The following JMJD1C variants were observed in gnomAD, a reference collection of about 807,000 sequenced individuals.
JMJD1C encodes the protein jumonji domain-containing protein 1C.
Under a neutral mutation model 245.3 loss-of-function variants are expected in JMJD1C, and 31 were observed. That is an observed-to-expected ratio of 0.13 (90% CI 0.09 to 0.17). The LOEUF is 0.17. Among genes scored for constraint, JMJD1C ranks in the 10% least tolerant of loss-of-function variants. The pLI, the probability that JMJD1C is intolerant of heterozygous loss-of-function variation, is 1.00. For missense variants in JMJD1C, 2,691 were observed against 3,000.2 expected (o/e 0.90, Z 2.41); for synonymous variants, 1,057 against 1,017.4 (o/e 1.04, Z -0.74).
At chr10:63,303,494 C>A (rs1860339219) in intron 2 of JMJD1C, among the ~76,000 whole-genome samples, 1 of 152,122 alleles carries the variant, frequency 6.6e-6, no homozygotes. Context: ...TTAGTAGAGA[C>A]AGGGTTTCGT....
chr10:63,207,418 A>G lies in JMJD1C; in HGVS notation c.4251T>C (p.Ile1417=). 1 of 1,614,212 alleles carries G rather than the reference A, an allele frequency of 6.2e-7. No homozygotes were observed. Among genetic ancestry groups the G allele is most frequent in the Non-Finnish European group, 8.5e-7 (1 of 1,180,038 alleles). ...CCAAAATGGTATTTGATAAAGAGGA[A>G]ATTACTTCTGAACCACCCCAGCTGG... The part of the protein sequence containing the change: ...SVSSWGGSEV[I]SSLSNTILAS... The change falls in exon 10 of 26, where the codon ATT becomes ATC. Residue 1417 remains isoleucine, a synonymous_variant. Transcript: ENST00000399262.
chr10:63,460,320 C>T (rs1952698158), intron 1 of JMJD1C, among the ~76,000 whole-genome samples: 1 of 152,068 alleles, frequency 6.6e-6, no homozygotes, highest in Non-Finnish European at 1.5e-5. Context: ...AGTCCAAGAC[C>T]AGCCTGGGCA....
At chr10:63,263,730 G>C (rs1020806859) in intron 3 of JMJD1C, among the ~76,000 whole-genome samples, 1 of 152,058 alleles carries the variant, frequency 6.6e-6, no homozygotes, top group Non-Finnish European at 1.5e-5. Flanking sequence ...TCAGGAGTTC[G>C]AGACCAGTCT....
intron 2 of JMJD1C, chr10:63,358,604 T>C (rs1006625661): frequency 6.6e-6 from 1 of 152,228 alleles, no homozygotes; most frequent in South Asian, 2.1e-4. Flanking sequence ...CTCAGTAATA[T>C]GGTTTTTATT....
chr10:63,192,931 T>G lies in JMJD1C; in HGVS notation c.6076+7A>C. On this transcript the variant is annotated splice_region_variant and intron_variant, in intron 16 of 25. Transcript: ENST00000399262. ...TCACACATGCCTAGATAATCAATTA[T>G]GTTTACCTTTTTTTTCCTCTCTGGC... is the stretch of plus-strand genomic sequence containing the variant. 6.2e-7 allele frequency: 1 copy of G among 1,602,176 alleles called. No individual in the cohort carries two copies. Among genetic ancestry groups the G allele is most frequent in the Non-Finnish European group, 8.6e-7 (1 of 1,169,396 alleles).
intron 1 of JMJD1C, among the ~76,000 whole-genome samples, chr10:63,477,014 C>A (rs1392644884): frequency 1.3e-5 from 2 of 152,110 alleles, no homozygotes; most frequent in Admixed American, 6.5e-5. Context: ...CATCAATTTA[C>A]ATGAAACAGA....
chr10:63,285,227 C>T (rs1223430282), intron 2 of JMJD1C, among the ~76,000 whole-genome samples: 1 of 152,144 alleles, frequency 6.6e-6, no homozygotes, highest in African/African-American at 2.4e-5. Flanking sequence ...GACTTAACAA[C>T]ACCTGGAACC....
intron 3 of JMJD1C, among the ~76,000 whole-genome samples, chr10:63,231,509 A>C (rs1423355272): frequency 1.3e-5 from 2 of 152,198 alleles, no homozygotes; most frequent in African/African-American, 4.8e-5. Flanking sequence ...AAACAAGGAA[A>C]TAGGCCGGGC....
chr10:63,184,298 T>C (rs1396812000), intron 21 of JMJD1C, among the ~76,000 whole-genome samples: 1 of 148,412 alleles, frequency 6.7e-6, no homozygotes, highest in Non-Finnish European at 1.5e-5. Flanking sequence ...TGGAGTGCAG[T>C]AGTGCAATCT....
chr10:63,332,568 T>C (rs1001253102), intron 2 of JMJD1C, among the ~76,000 whole-genome samples: 3 of 152,208 alleles, frequency 2.0e-5, no homozygotes, highest in Non-Finnish European at 4.4e-5. Flanking sequence ...AATAGCTCTG[T>C]AACTTACCAA....
At chr10:63,222,940 T>C (rs965099759) in intron 3 of JMJD1C, 4 of 1,504,132 alleles carry the variant, frequency 2.7e-6, no homozygotes, top group Admixed American at 1.7e-5. Context: ...AACCCTGCCA[T>C]ATAATTCAAA....
intron 2 of JMJD1C, among the ~76,000 whole-genome samples, chr10:63,338,061 C>G (rs537818806): frequency 1.3e-5 from 2 of 152,220 alleles, no homozygotes; most frequent in African/African-American, 4.8e-5. Context: ...CTTTTCACAG[C>G]GGTAAAAGAC....
chr10:63,411,848 C>G (rs941672016), intron 1 of JMJD1C, among the ~76,000 whole-genome samples: 5 of 151,890 alleles, frequency 3.3e-5, no homozygotes, highest in African/African-American at 1.2e-4. Flanking sequence ...ATGATCCCAC[C>G]TACCTTGGCC....
chr10:63,347,241 G>GT (rs1295259898), intron 2 of JMJD1C, among the ~76,000 whole-genome samples: 1 of 151,590 alleles, frequency 6.6e-6, no homozygotes, highest in Non-Finnish European at 1.5e-5. Flanking sequence ...GCTAATTTTT[G>GT]TATTTTTGTC....
chr10:63,502,732 T>C (rs1223967745), intron 1 of JMJD1C, among the ~76,000 whole-genome samples: 1 of 152,042 alleles, frequency 6.6e-6, no homozygotes, highest in Admixed American at 6.6e-5. Context: ...TGTTCAACTC[T>C]GTATTTCTTG....
At chr10:63,517,405 A>G (rs1484878167) in intron 1 of JMJD1C, among the ~76,000 whole-genome samples, 1 of 152,180 alleles carries the variant, frequency 6.6e-6, no homozygotes, top group Admixed American at 6.5e-5. Context: ...TTTGATCTTC[A>G]TAACAGTATC....
chr10:63,493,695 G>A (rs1954255682), intron 1 of JMJD1C, among the ~76,000 whole-genome samples: 1 of 152,102 alleles, frequency 6.6e-6, no homozygotes, highest in South Asian at 2.1e-4. Context: ...AAATTCAACA[G>A]CACCTAAAAC....
chr10:63,237,362 TAATATACAGTGCAATG>T (rs1420015870), intron 3 of JMJD1C, among the ~76,000 whole-genome samples: 1 of 152,228 alleles, frequency 6.6e-6, no homozygotes, highest in Non-Finnish European at 1.5e-5. Flanking sequence ...AATTTTTTTT[TAATATACAGTGCAATG>T]AATGTAACTT....
chr10:63,383,677 G>GT lies in JMJD1C; in HGVS notation c.169-3196dup, dbSNP rs1488343136. 5.9e-5 allele frequency among the ~76,000 whole-genome samples: 9 copies of GT among 152,268 alleles called. 2 individuals are homozygous for GT. The South Asian group carries it at 1.9e-3, about 32-fold the overall frequency. ...ATCACACCACTGCACTGCAGCCTAC[G>GT]TGACAGAGCAAGACCCAGTCTCAAA... is the stretch of plus-strand genomic sequence containing the variant. On this transcript the variant is annotated intron_variant, in intron 1 of 25. Coordinates refer to ENST00000399262, the MANE Select transcript of JMJD1C (RefSeq NM_032776.3).
Sources: gnomAD v4.1 joint callset for allele counts (sites outside exome capture counted in the v4.1 genomes callset) on GRCh38, gnomAD v4.1.1 for gene constraint, MANE v1.5 for transcripts, NCBI Gene and HGNC (gene_info 2026-07-23, HGNC 2026-07-21) for gene names.